SLC12A6: variants seen among roughly 807,000 people sequenced by gnomAD.
SLC12A6 encodes K-Cl cotransporter 3.
Under a neutral mutation model 135.3 loss-of-function variants are expected in SLC12A6, and 66 were observed. The ratio of observed to expected loss-of-function variants is 0.49; its 90% CI spans 0.40 to 0.60. The LOEUF (loss-of-function observed/expected upper bound fraction) is 0.60, where lower values mean the gene tolerates loss of function less well. SLC12A6 is among the 20% of genes least tolerant of loss of function. The pLI, the probability that SLC12A6 is intolerant of heterozygous loss-of-function variation, is 0.00. For missense variants in SLC12A6, 1,058 were observed against 1,452.3 expected (o/e 0.73, Z 4.41); for synonymous variants, 513 against 508.8 (o/e 1.01, Z -0.11).
chr15:34,280,721 A>G (rs1455241865), intron 2 of SLC12A6, among the ~76,000 whole-genome samples: 2 of 152,194 alleles, frequency 1.3e-5, no homozygotes, highest in African/African-American at 4.8e-5. Flanking sequence ...TCAAAGAGAC[A>G]CCTGCACTGC....
intron 22 of SLC12A6, 95 bp from the exon 23 acceptor site, chr15:34,236,910 G>C (rs1248365978): frequency 7.9e-6 from 6 of 762,286 alleles, no homozygotes; most frequent in Non-Finnish European, 1.4e-5. Context: ...TTAAACCAGG[G>C]ACAGCATCAC....
At chr15:34,332,100 T>C (rs1889886781) in intron 2 of SLC12A6, among the ~76,000 whole-genome samples, 1 of 152,248 alleles carries the variant, frequency 6.6e-6, no homozygotes, top group Admixed American at 6.5e-5. Flanking sequence ...TGTCTCTATT[T>C]TATCTTAGTT....
At chr15:34,303,854 C>T (rs113604547) in intron 2 of SLC12A6, among the ~76,000 whole-genome samples, 1,822 of 152,224 alleles carry the variant, frequency 0.012, 14 homozygotes, top group Middle Eastern at 0.037. Flanking sequence ...TCCAGAACCA[C>T]GAGTCAATAA....
chr15:34,294,800 T>C (rs1199362552), intron 2 of SLC12A6, among the ~76,000 whole-genome samples: 1 of 151,478 alleles, frequency 6.6e-6, no homozygotes, highest in African/African-American at 2.4e-5. Context: ...AAGAGATCCT[T>C]TTGCTTCCCC....
rs1023162395 is a variant in SLC12A6 at position 34,232,758 on chromosome 15, T to C, written c.*1123A>G. 6.6e-6 allele frequency: 1 copy of C among 152,636 alleles called. No individual in the cohort carries two copies. Among genetic ancestry groups the C allele is most frequent in the Non-Finnish European group, 1.5e-5 (1 of 68,042 alleles). The allele number at this position is 152,636 out of a possible 1,614,324, so 9.5% of individuals were successfully genotyped here. On this transcript the variant is annotated 3_prime_UTR_variant, in exon 26 of 26. Coordinates refer to ENST00000354181, the MANE Select transcript of SLC12A6 (RefSeq NM_001365088.1). ...GTCAATGCCAATCTGTATGCCATTTTAGTAAAGTAGGTAAGGAGAGTAGCC... is the reference window on the plus strand; with the variant it reads ...GTCAATGCCAATCTGTATGCCATTTCAGTAAAGTAGGTAAGGAGAGTAGCC...
chr15:34,254,207 A>G (rs1892586763), intron 9 of SLC12A6, 141 bp downstream of exon 9: 7 of 854,698 alleles, frequency 8.2e-6, no homozygotes, highest in South Asian at 8.0e-5. Context: ...TGCCTAGATG[A>G]GGAAGGAAGT....
At chr15:34,279,049 G>A (rs1894490679) in intron 2 of SLC12A6, among the ~76,000 whole-genome samples, 1 of 151,834 alleles carries the variant, frequency 6.6e-6, no homozygotes. Context: ...AGGAGCGGTG[G>A]CTCACACCTG....
intron 20 of SLC12A6, 113 bp from the exon 21 acceptor site, chr15:34,238,514 T>A: frequency 1.3e-6 from 1 of 797,256 alleles, no homozygotes; most frequent in Non-Finnish European, 2.1e-6. Context: ...AGGGGTCCTA[T>A]TTACTTAGTA....
chr15:34,310,546 ACT>A (rs1491131584), intron 2 of SLC12A6, among the ~76,000 whole-genome samples: 1 of 86,436 alleles, frequency 1.2e-5, no homozygotes, highest in Non-Finnish European at 2.0e-5. Flanking sequence ...CCTGGGCTCA[ACT>A]GTGTGTGTGT....
intron 2 of SLC12A6, among the ~76,000 whole-genome samples, chr15:34,292,948 T>A (rs1468592212): frequency 6.6e-6 from 1 of 152,068 alleles, no homozygotes; most frequent in Non-Finnish European, 1.5e-5. Flanking sequence ...GAAAGGGAAA[T>A]CCCCCGACCC....
intron 2 of SLC12A6, among the ~76,000 whole-genome samples, chr15:34,300,095 A>T (rs188101103): frequency 7.6e-4 from 115 of 152,248 alleles, no homozygotes; most frequent in Non-Finnish European, 1.5e-3. Context: ...ATCAAGGGGG[A>T]AGGAGTCAAT....
chr15:34,240,702 T>C lies in SLC12A6; in HGVS notation c.2395A>G (p.Asn799Asp). Residue 799 changes from asparagine (N) to aspartate (D), a missense_variant, in exon 19 of 26, where the codon AAC becomes GAC. Asn to Asp is a conservative substitution (Grantham distance 23). This residue lies in a region of SLC12A6 where 31 missense variants were observed against 24.3 expected (regional missense o/e 1.28). Transcript: ENST00000354181. ...LTIVGSVIVG[N>D]FLENYGEALA... is the part of the protein sequence containing the mutation. ...GCTTCACCGTAGTTCTCTAGGAAGT[T>C]CCCCACGATGACAGAGCCCACAATA... 8 of 1,614,066 alleles carry C rather than the reference T, an allele frequency of 5.0e-6. No homozygotes were observed. Among genetic ancestry groups the C allele is most frequent in the Non-Finnish European group, 6.8e-6 (8 of 1,179,958 alleles).
At chr15:34,302,625 G>C (rs1896331342) in intron 2 of SLC12A6, among the ~76,000 whole-genome samples, 1 of 152,184 alleles carries the variant, frequency 6.6e-6, no homozygotes, top group Non-Finnish European at 1.5e-5. Flanking sequence ...AACCCAGGAG[G>C]CGGAGGTTGC....
In SLC12A6 at chr15:34,245,182, T is replaced by C. The variant is rs1891897717; in HGVS notation, c.1943+103A>G. On this transcript the variant is annotated intron_variant, in intron 15 of 25. Coordinates refer to ENST00000354181, the MANE Select transcript of SLC12A6 (RefSeq NM_001365088.1). The stretch of plus-strand genomic sequence containing the variant: ...TTATTTAAGTGAAGTTACATCTGTA[T>C]TTAGCCCACTCTGTTATCACTACTG... The C allele has an allele frequency of 1.1e-5, 9 of 784,300 alleles. No individual in the cohort carries two copies. The South Asian group carries it at 1.2e-4, about 11-fold the overall frequency. 48.6% of individuals were successfully genotyped at this position (784,300 alleles called of 1,614,324 possible).
chr15:34,318,767 C>T (rs1888838709), intron 2 of SLC12A6: 1 of 1,592,994 alleles, frequency 6.3e-7, no homozygotes, highest in South Asian at 1.1e-5. Context: ...GCTGTCGTTT[C>T]AGACTGTGAT....
chr15:34,312,332 T>A (rs2141080778), intron 2 of SLC12A6, among the ~76,000 whole-genome samples: 1 of 152,360 alleles, frequency 6.6e-6, no homozygotes, highest in Non-Finnish European at 1.5e-5. Context: ...ATATTTATAC[T>A]GAACATGTGT....
At chr15:34,252,663 T>C (rs1467366472) in intron 9 of SLC12A6, among the ~76,000 whole-genome samples, 2 of 152,180 alleles carry the variant, frequency 1.3e-5, no homozygotes, top group African/African-American at 2.4e-5. Flanking sequence ...AGGGAGTTAA[T>C]TGAAGGTTAG....
At chr15:34,329,824 T>C (rs1889716847) in intron 2 of SLC12A6, among the ~76,000 whole-genome samples, 1 of 152,154 alleles carries the variant, frequency 6.6e-6, no homozygotes, top group African/African-American at 2.4e-5. Flanking sequence ...CCAGACATCT[T>C]CAAAGATAAA....
upstream of SLC12A6, chr15:34,337,976 C>T (rs745719153): frequency 6.6e-6 from 1 of 151,900 alleles, no homozygotes; most frequent in Non-Finnish European, 1.5e-5. Context: ...GAAGAGAAGC[C>T]CGGGGGTGCA....
Sources: allele counts gnomAD v4.1 joint callset (sites outside exome capture counted in the v4.1 genomes callset), GRCh38; gene constraint gnomAD v4.1.1; regional missense constraint gnomAD v4.1.1; transcripts MANE v1.5; gene names NCBI Gene and HGNC (gene_info 2026-07-23, HGNC 2026-07-21).